The following YES1 variants were observed in gnomAD, a reference collection of about 807,000 sequenced individuals.
YES1 encodes the protein YES proto-oncogene 1, Src family tyrosine kinase.
A neutral mutation model predicts 70.4 loss-of-function variants in YES1; 39 were observed. The observed-to-expected ratio is 0.55, with a 90% confidence interval of 0.43 to 0.72. YES1 has a LOEUF of 0.72. YES1 is among the 30% of genes least tolerant of loss of function. The pLI, the probability that YES1 is intolerant of heterozygous loss-of-function variation, is 0.00. For synonymous variants in YES1, 198 were observed against 218.6 expected, an observed-to-expected ratio of 0.91 and a Z score of 0.83; for missense variants, 495 against 644.8, an observed-to-expected ratio of 0.77 and a Z score of 2.52.
chr18:752,497 T>C (rs532459249), intron 2 of YES1, among the ~76,000 whole-genome samples: 18 of 152,316 alleles, frequency 1.2e-4, no homozygotes, highest in East Asian at 9.6e-4. Flanking sequence ...AGAAAAAGGA[T>C]TGATGACTAC....
chr18:741,646 T>C (rs776164809), intron 8 of YES1, among the ~76,000 whole-genome samples: 10 of 151,854 alleles, frequency 6.6e-5, no homozygotes, highest in Non-Finnish European at 1.5e-4. Context: ...TGTAGAAAAA[T>C]ACACAAATTA....
intron 2 of YES1, among the ~76,000 whole-genome samples, chr18:753,269 C>T (rs577083361): frequency 1.3e-5 from 2 of 152,198 alleles, no homozygotes; most frequent in East Asian, 1.9e-4. Flanking sequence ...AGCTAATTAA[C>T]GTATGCATTG....
intron 1 of YES1, chr18:775,006 A>G (rs938773826): frequency 4.6e-5 from 7 of 152,260 alleles, no homozygotes; most frequent in East Asian, 1.9e-4. Flanking sequence ...AGTTAAGAGC[A>G]TAGAGGTCAG....
At chr18:744,118 T>A (rs1349422818) in intron 6 of YES1, among the ~76,000 whole-genome samples, 2 of 151,522 alleles carry the variant, frequency 1.3e-5, no homozygotes, top group Non-Finnish European at 2.9e-5. Context: ...GTTCCACTAT[T>A]GTGCTAAATT....
At position 811,877 on chromosome 18, in the gene YES1, C is replaced by A. The variant is rs535621802; in HGVS notation, c.-9+237G>T. On this transcript the variant is annotated intron_variant, in intron 1 of 11. Coordinates refer to ENST00000314574, the MANE Select transcript of YES1 (RefSeq NM_005433.4). ...ACCTCAGGTCGGACTTGGGCGGGAC[C>A]CGGCAGGTCTGGACAGGGCAGAGAC... 2.6e-5 allele frequency among the ~76,000 whole-genome samples: 4 copies of A among 152,298 alleles called. No individual in the cohort carries two copies. The South Asian group carries it at 8.3e-4, about 32-fold the overall frequency.
chr18:774,099 G>C (rs1905269633), intron 1 of YES1, among the ~76,000 whole-genome samples: 2 of 152,324 alleles, frequency 1.3e-5, no homozygotes, highest in South Asian at 4.1e-4. Flanking sequence ...CCAAAGTGCT[G>C]GGATTACGGG....
At chr18:740,180 A>G (rs2080201272) in intron 8 of YES1, among the ~76,000 whole-genome samples, 1 of 152,224 alleles carries the variant, frequency 6.6e-6, no homozygotes, top group Non-Finnish European at 1.5e-5. Flanking sequence ...GGGTGTGGTT[A>G]AAACTAAATA....
intron 11 of YES1, 71 bp downstream of exon 11, chr18:732,763 A>C (rs1421526092): frequency 5.6e-6 from 9 of 1,598,080 alleles, no homozygotes; most frequent in Non-Finnish European, 6.9e-6. Context: ...CCCCGCTTAC[A>C]ATTCTGTTCC....
At chr18:737,746 G>C (rs1474611899) in intron 9 of YES1, among the ~76,000 whole-genome samples, 1 of 152,184 alleles carries the variant, frequency 6.6e-6, no homozygotes, top group Middle Eastern at 3.2e-3. Context: ...CTGAGACGGG[G>C]TCTCACTCTG....
intron 1 of YES1, among the ~76,000 whole-genome samples, chr18:771,842 G>A (rs1203304572): frequency 2.6e-5 from 4 of 151,948 alleles, no homozygotes; most frequent in African/African-American, 9.7e-5. Flanking sequence ...AAGAAAAAAT[G>A]TTAAAAAGTA....
intron 3 of YES1, 62 bp from the exon 4 acceptor site, chr18:748,080 C>T: frequency 7.3e-7 from 1 of 1,370,076 alleles, no homozygotes; most frequent in Non-Finnish European, 1.0e-6. Context: ...CAATATATTG[C>T]AGTGCTATCT....
chr18:804,609 CAAAAAAAAAA>C (rs57896154), intron 1 of YES1, among the ~76,000 whole-genome samples: 1 of 38,788 alleles, frequency 2.6e-5, no homozygotes, highest in African/African-American at 1.0e-4. Context: ...GACTGAGTCT[CAAAAAAAAAA>C]AAAAAAAAAA....
chr18:738,443 C>T (rs945797827), intron 9 of YES1: 1 of 152,450 alleles, frequency 6.6e-6, no homozygotes, highest in Non-Finnish European at 1.5e-5. Flanking sequence ...GTAATCCCAG[C>T]ACTTTGGGAG....
intron 4 of YES1, among the ~76,000 whole-genome samples, chr18:746,750 A>C (rs1447310970): frequency 1.3e-5 from 2 of 152,228 alleles, no homozygotes; most frequent in Admixed American, 1.3e-4. Context: ...GTTTAACCTA[A>C]AAGTAGTGTG....
At chr18:732,435 TAA>T (rs11460599) in intron 11 of YES1, among the ~76,000 whole-genome samples, 10 of 90,474 alleles carry the variant, frequency 1.1e-4, no homozygotes, top group South Asian at 8.2e-4. Flanking sequence ...AGACTGTGTT[TAA>T]AAAAAAAAAA....
chr18:752,041 C>T (rs56303611), intron 2 of YES1, among the ~76,000 whole-genome samples: 17,844 of 152,140 alleles, frequency 0.12, 1,178 homozygotes, highest in East Asian at 0.27. Flanking sequence ...TTAAACTCTC[C>T]GAAGACCTTC....
At chr18:798,375 G>C (rs1906647670) in intron 1 of YES1, among the ~76,000 whole-genome samples, 1 of 151,994 alleles carries the variant, frequency 6.6e-6, no homozygotes, top group South Asian at 2.1e-4. Flanking sequence ...TTCATCTTCT[G>C]ACAACATCCT....
intron 11 of YES1, among the ~76,000 whole-genome samples, chr18:726,291 G>A (rs1286434972): frequency 6.6e-6 from 1 of 152,014 alleles, no homozygotes; most frequent in Non-Finnish European, 1.5e-5. Flanking sequence ...TGGGCGTGGT[G>A]GTGGGCATCT....
chr18:795,936 CACACACACAT>C (rs1237843404), intron 1 of YES1, among the ~76,000 whole-genome samples: 1 of 152,026 alleles, frequency 6.6e-6, no homozygotes, highest in Non-Finnish European at 1.5e-5. Flanking sequence ...CACACACACA[CACACACACAT>C]AAGACCTATG....
Sources: allele counts gnomAD v4.1 joint callset (sites outside exome capture counted in the v4.1 genomes callset), GRCh38; gene constraint gnomAD v4.1.1; transcripts MANE v1.5; gene names NCBI Gene and HGNC (gene_info 2026-07-23, HGNC 2026-07-21).